Variants in DNAI7 observed in about 807,000 individuals in gnomAD.
DNAI7 encodes cancer susceptibility 1.
A neutral mutation model predicts 86.6 loss-of-function variants in DNAI7; 78 were observed. That is an observed-to-expected ratio of 0.90 (90% CI 0.75 to 1.09). DNAI7 has a LOEUF of 1.09. Among genes scored for constraint, DNAI7 ranks in the 50% least tolerant of loss-of-function variants. The probability of loss-of-function intolerance (pLI) is 0.00; values close to 1 mark genes in which losing one functional copy is unlikely to be tolerated. For synonymous variants in DNAI7, 274 were observed against 273.0 expected, an observed-to-expected ratio of 1.00 and a Z score of -0.04; for missense variants, 753 against 810.2, an observed-to-expected ratio of 0.93 and a Z score of 0.86.
intron 1 of DNAI7, among the ~76,000 whole-genome samples, chr12:25,194,018 C>T (rs1950794775): frequency 6.6e-6 from 1 of 152,100 alleles, no homozygotes; most frequent in African/African-American, 2.4e-5. Flanking sequence ...GACTGGGTTT[C>T]ACCATGTTGA....
At chr12:25,147,781 C>G (rs1457834041) in intron 7 of DNAI7, among the ~76,000 whole-genome samples, 1 of 152,206 alleles carries the variant, frequency 6.6e-6, no homozygotes, top group Non-Finnish European at 1.5e-5. Flanking sequence ...GCTGCTTTAT[C>G]TGTATCTTAT....
chr12:25,126,704 T>C (rs1225212408), intron 9 of DNAI7, among the ~76,000 whole-genome samples: 1 of 152,184 alleles, frequency 6.6e-6, no homozygotes, highest in African/African-American at 2.4e-5. Flanking sequence ...ATGTTGAATT[T>C]GAGGTGCCTG....
At chr12:25,157,277 CAAA>C (rs34695125) in intron 4 of DNAI7, among the ~76,000 whole-genome samples, 22 of 89,016 alleles carry the variant, frequency 2.5e-4, no homozygotes, top group East Asian at 3.5e-4. Context: ...GACTCCGTCT[CAAA>C]AAAAAAAAAA....
intron 2 of DNAI7, among the ~76,000 whole-genome samples, chr12:25,179,890 G>C (rs1004030809): frequency 1.3e-5 from 2 of 152,100 alleles, no homozygotes; most frequent in African/African-American, 4.8e-5. Flanking sequence ...AACATGAAAA[G>C]GGTGTCCACT....
intron 4 of DNAI7, among the ~76,000 whole-genome samples, chr12:25,157,394 T>C (rs768333052): frequency 1.7e-4 from 26 of 152,112 alleles, no homozygotes; most frequent in Non-Finnish European, 3.4e-4. Context: ...AAGGCCAGAT[T>C]TTCCTTATAT....
intron 9 of DNAI7, among the ~76,000 whole-genome samples, chr12:25,139,550 G>T (rs1242540091): frequency 6.6e-6 from 1 of 152,154 alleles, no homozygotes; most frequent in Non-Finnish European, 1.5e-5. Flanking sequence ...CTTTGCAGGG[G>T]ACATGGATGA....
intron 2 of DNAI7, among the ~76,000 whole-genome samples, chr12:25,167,155 A>C (rs1039486218): frequency 1.3e-5 from 2 of 152,070 alleles, no homozygotes; most frequent in African/African-American, 4.8e-5. Flanking sequence ...ATCGCCACAC[A>C]CCACCAAAGG....
chr12:25,169,820 C>T (rs1262428389), intron 2 of DNAI7, among the ~76,000 whole-genome samples: 3 of 147,438 alleles, frequency 2.0e-5, no homozygotes, highest in South Asian at 2.1e-4. Context: ...TGTACTCCAG[C>T]CTGGGTGACA....
intron 2 of DNAI7, among the ~76,000 whole-genome samples, chr12:25,164,804 C>T (rs1947256496): frequency 6.6e-6 from 1 of 152,036 alleles, no homozygotes; most frequent in Non-Finnish European, 1.5e-5. Context: ...TCTGACTTCT[C>T]CCCTCCTCAC....
chr12:25,174,015 A>G (rs1343306020), intron 2 of DNAI7, among the ~76,000 whole-genome samples: 1 of 148,622 alleles, frequency 6.7e-6, no homozygotes, highest in African/African-American at 2.4e-5. Context: ...TATACATGGA[A>G]TACATATCTC....
chr12:25,137,232 C>A (rs538796015), intron 9 of DNAI7, among the ~76,000 whole-genome samples: 6,794 of 152,228 alleles, frequency 0.045, 257 homozygotes, highest in Middle Eastern at 0.079. Flanking sequence ...CTATCTTTAG[C>A]CTCCTTAAAC....
At chr12:25,184,551 G>A (rs893007940) in intron 2 of DNAI7, among the ~76,000 whole-genome samples, 2 of 152,070 alleles carry the variant, frequency 1.3e-5, no homozygotes, top group Admixed American at 6.5e-5. Context: ...TTGTTGTCAT[G>A]TATCTTAGTT....
At chr12:25,173,934 A>AATCATATATACGGAATATATAT (rs1555180965) in intron 2 of DNAI7, among the ~76,000 whole-genome samples, 21,820 of 143,134 alleles carry the variant, frequency 0.15, 1,846 homozygotes, top group Middle Eastern at 0.18. Context: ...TATCATATAT[A>AATCATATATACGGAATATATAT]ATCATATATA....
chr12:25,156,002 G>A (rs1946119170), intron 4 of DNAI7, among the ~76,000 whole-genome samples: 1 of 152,034 alleles, frequency 6.6e-6, no homozygotes, highest in South Asian at 2.1e-4. Context: ...CTACTCAGGA[G>A]GCTGAAGGGG....
intron 2 of DNAI7, 23 bp downstream of exon 2, chr12:25,190,591 A>G (rs1950429799): frequency 1.6e-6 from 2 of 1,217,352 alleles, no homozygotes; most frequent in Non-Finnish European, 2.3e-6. Flanking sequence ...ACAACTATCT[A>G]TTTTGAAAAA....
chr12:25,165,719 T>C (rs2141082709), intron 2 of DNAI7, among the ~76,000 whole-genome samples: 1 of 152,292 alleles, frequency 6.6e-6, no homozygotes, highest in South Asian at 2.1e-4. Context: ...TCTTAATCAA[T>C]ACGGAGCCTA....
At chr12:25,153,959 A>G (rs981006683) in intron 6 of DNAI7, among the ~76,000 whole-genome samples, 6 of 152,266 alleles carry the variant, frequency 3.9e-5, no homozygotes, top group African/African-American at 1.4e-4. Context: ...GGCACCTAGT[A>G]AACATGAAAA....
At chr12:25,144,294 G>T in intron 9 of DNAI7, 71 bp downstream of exon 9, 1 of 1,299,162 alleles carries the variant, frequency 7.7e-7, no homozygotes, top group Non-Finnish European at 1.1e-6. Context: ...AAAATCTTGA[G>T]AACACTTTAA....
At position 25,108,388 on chromosome 12, in the gene DNAI7, T is replaced by A; in HGVS notation, c.*160A>T. 1 of 649,420 alleles carries A rather than the reference T, an allele frequency of 1.5e-6. No homozygotes were observed. The allele number at this position is 649,420 out of a possible 1,614,324, so 40.2% of individuals were successfully genotyped here. On this transcript the variant is annotated 3_prime_UTR_variant, in exon 16 of 16. Coordinates refer to ENST00000395987, the MANE Select transcript of DNAI7 (RefSeq NM_018272.5). Reference sequence around the variant, plus strand: ...GCCAAGTATTCAAAGGAAAAAAAAATACTGTTTTTAAAATAAAACTTGAGT... The same window carrying A: ...GCCAAGTATTCAAAGGAAAAAAAAAAACTGTTTTTAAAATAAAACTTGAGT...
Sources: allele counts gnomAD v4.1 joint callset (sites outside exome capture counted in the v4.1 genomes callset), GRCh38; gene constraint gnomAD v4.1.1; transcripts MANE v1.5; gene names NCBI Gene and HGNC (gene_info 2026-07-23, HGNC 2026-07-21).